Variants in MYO5B observed in about 807,000 individuals in gnomAD.
MYO5B encodes the protein myosin VB.
In MYO5B, 143 loss-of-function variants were observed where a neutral mutation model predicts 229.3. The observed-to-expected ratio is 0.62, with a 90% CI of 0.54 to 0.72. The LOEUF (loss-of-function observed/expected upper bound fraction) is 0.72, where lower values mean the gene tolerates loss of function less well. Among genes scored for constraint, MYO5B ranks in the 30% least tolerant of loss-of-function variants. The probability of loss-of-function intolerance (pLI) is 0.00; values close to 1 mark genes in which losing one functional copy is unlikely to be tolerated. For synonymous variants in MYO5B, 918 were observed against 885.2 expected (o/e 1.04, Z -0.66); for missense variants, 2,321 against 2,331.0 (o/e 1.00, Z 0.09).
intron 25 of MYO5B, 84 bp from the exon 26 acceptor site, chr18:49,875,911 T>A: frequency 6.8e-7 from 1 of 1,479,388 alleles, no homozygotes; most frequent in Non-Finnish European, 9.3e-7. Flanking sequence ...CCTCCCTCTA[T>A]ATCAGCCATC....
chr18:49,903,223 C>T (rs561246127), intron 20 of MYO5B, among the ~76,000 whole-genome samples: 1 of 152,084 alleles, frequency 6.6e-6, no homozygotes, highest in African/African-American at 2.4e-5. Flanking sequence ...AGTGAGTGTC[C>T]ACAGCAGGCT....
chr18:49,872,160 A>T lies in MYO5B; in HGVS notation c.3603+7T>A. ...GTTCCAGGAAGCCTGTCCCCCAAGA[A>T]TCTTACCTTCAGACTATTGTAGGCC... On this transcript the variant is annotated splice_region_variant and intron_variant, in intron 27 of 39. Coordinates refer to ENST00000285039, the MANE Select transcript of MYO5B (RefSeq NM_001080467.3). The T allele has an allele frequency of 6.2e-7, 1 of 1,613,826 alleles. No homozygotes were observed. Among genetic ancestry groups the T allele is most frequent in the Non-Finnish European group, 8.5e-7 (1 of 1,179,872 alleles).
intron 1 of MYO5B, among the ~76,000 whole-genome samples, chr18:50,186,759 G>T (rs1471854103): frequency 6.6e-6 from 1 of 152,178 alleles, no homozygotes; most frequent in Admixed American, 6.5e-5. Flanking sequence ...TTCCCATGGT[G>T]CAGGTACCAC....
intron 10 of MYO5B, among the ~76,000 whole-genome samples, chr18:49,963,393 T>TATTTA (rs1250115297): frequency 1.4e-5 from 2 of 146,386 alleles, no homozygotes; most frequent in East Asian, 3.9e-4. Flanking sequence ...ACATTTTACT[T>TATTTA]ATTTAATTTA....
chr18:49,892,295 T>C (rs1428553153), intron 22 of MYO5B, among the ~76,000 whole-genome samples: 2 of 152,220 alleles, frequency 1.3e-5, no homozygotes, highest in African/African-American at 4.8e-5. Flanking sequence ...GGATGTCATC[T>C]AACCTATGCG....
intron 1 of MYO5B, among the ~76,000 whole-genome samples, chr18:50,143,489 C>T (rs893820037): frequency 1.3e-5 from 2 of 152,142 alleles, no homozygotes; most frequent in Non-Finnish European, 2.9e-5. Flanking sequence ...TGAACAGCAC[C>T]GGCTGACACC....
intron 5 of MYO5B, among the ~76,000 whole-genome samples, chr18:49,996,856 C>T (rs571900870): frequency 1.1e-4 from 16 of 152,264 alleles, no homozygotes; most frequent in Non-Finnish European, 1.6e-4. Context: ...ACAAAATAAA[C>T]AAGTTTGAAG....
intron 14 of MYO5B, among the ~76,000 whole-genome samples, chr18:49,943,544 C>T (rs945270199): frequency 1.3e-5 from 2 of 152,126 alleles, no homozygotes; most frequent in African/African-American, 4.8e-5. Flanking sequence ...ATTCCATGTG[C>T]AGTCAAAGCA....
chr18:49,882,841 T>C (rs959726396), intron 22 of MYO5B, among the ~76,000 whole-genome samples: 4 of 152,126 alleles, frequency 2.6e-5, no homozygotes, highest in Non-Finnish European at 5.9e-5. Context: ...ATCTACTCTT[T>C]ACAAATTCTT....
chr18:49,904,621 C>T (rs1568025164), intron 20 of MYO5B, 51 bp downstream of exon 20: 1 of 1,611,932 alleles, frequency 6.2e-7, no homozygotes. Context: ...TCATCTGTTG[C>T]CACTTTAGTT....
intron 22 of MYO5B, among the ~76,000 whole-genome samples, chr18:49,888,204 T>G (rs1405223952): frequency 6.6e-6 from 1 of 152,128 alleles, no homozygotes; most frequent in Non-Finnish European, 1.5e-5. Flanking sequence ...TCCTGTGCAT[T>G]ACTGGGTGTT....
chr18:49,906,726 G>C, intron 18 of MYO5B, 96 bp from the exon 19 acceptor site: 1 of 1,128,468 alleles, frequency 8.9e-7, no homozygotes, highest in African/African-American at 1.5e-5. Flanking sequence ...GAATCCCCTG[G>C]CCAGACTTCA....
intron 1 of MYO5B, among the ~76,000 whole-genome samples, chr18:50,193,604 G>T (rs1349477514): frequency 6.6e-6 from 1 of 152,220 alleles, no homozygotes; most frequent in African/African-American, 2.4e-5. Flanking sequence ...CCGGGCGGGT[G>T]TCCCGGGAAT....
chr18:49,941,849 A>G (rs1488558231), intron 14 of MYO5B, among the ~76,000 whole-genome samples: 520 of 130,538 alleles, frequency 4.0e-3, no homozygotes, highest in Non-Finnish European at 4.6e-3. Flanking sequence ...TATGGAACCA[A>G]AAAAGAGCCC....
chr18:49,864,813 G>C (rs554926132), intron 27 of MYO5B, among the ~76,000 whole-genome samples: 2 of 152,190 alleles, frequency 1.3e-5, no homozygotes, highest in Admixed American at 1.3e-4. Flanking sequence ...TATTTGCCCA[G>C]AGAACCCGTT....
rs1239955817 is a variant in MYO5B, at chr18:50,195,129, C to G, written c.-336G>C. ...CCCGCTCGCGTCAGAGCGGACGGCC[C>G]GTGCGCCGCCGCGCCTCTGAGCCCT... On this transcript the variant is annotated 5_prime_UTR_variant, in exon 1 of 40. Transcript: ENST00000285039. 4 of 202,526 alleles carry G rather than the reference C, an allele frequency of 2.0e-5. No homozygotes were observed. The highest frequency in any genetic ancestry group is 4.7e-5 in the African/African-American group (2 of 42,992). 12.5% of individuals were successfully genotyped at this position (202,526 alleles called of 1,614,324 possible). A position where few individuals can be genotyped will look rare whatever the true frequency, so the allele number is the denominator to read the frequency against.
At chr18:50,043,465 A>G (rs1368070144) in intron 2 of MYO5B, among the ~76,000 whole-genome samples, 3 of 85,354 alleles carry the variant, frequency 3.5e-5, no homozygotes, top group Non-Finnish European at 4.6e-5. Context: ...ATATATTTGT[A>G]TATATTTACA....
chr18:50,188,813 A>AAAAAC (rs2033188559), intron 1 of MYO5B, among the ~76,000 whole-genome samples: 1 of 75,196 alleles, frequency 1.3e-5, no homozygotes, highest in Non-Finnish European at 3.3e-5. Context: ...AAAAAAAAAA[A>AAAAAC]AAAACACACA....
At chr18:49,995,190 C>A (rs924327024) in intron 5 of MYO5B, among the ~76,000 whole-genome samples, 2 of 152,010 alleles carry the variant, frequency 1.3e-5, no homozygotes, top group Non-Finnish European at 2.9e-5. Flanking sequence ...ATGTGGGCAA[C>A]TTCTCATGGC....
Sources: gnomAD v4.1 joint callset for allele counts (sites outside exome capture counted in the v4.1 genomes callset) on GRCh38, gnomAD v4.1.1 for gene constraint, MANE v1.5 for transcripts, NCBI Gene and HGNC (gene_info 2026-07-23, HGNC 2026-07-21) for gene names.